CBX3: variants seen among roughly 807,000 people sequenced by gnomAD.
CBX3 encodes chromobox protein homolog 3.
Under a neutral mutation model 22.6 loss-of-function variants are expected in CBX3, and 5 were observed. The observed-to-expected ratio is 0.22, with a 90% CI of 0.12 to 0.47. CBX3 has a LOEUF of 0.47. CBX3 is among the 20% of genes least tolerant of loss of function. The probability of loss-of-function intolerance (pLI) is 0.99; values close to 1 mark genes in which losing one functional copy is unlikely to be tolerated. For synonymous variants in CBX3, 50 were observed against 66.6 expected, an observed-to-expected ratio of 0.75 and a Z score of 1.21; for missense variants, 83 against 208.1, an observed-to-expected ratio of 0.40 and a Z score of 3.70.
chr7:26,208,185 G>A, intron 3 of CBX3: 3 of 390,286 alleles, frequency 7.7e-6, no homozygotes, highest in Admixed American at 3.6e-5. Context: ...TTCCACTACT[G>A]CACTCTCGTC....
intron 3 of CBX3, among the ~76,000 whole-genome samples, chr7:26,207,768 T>C (rs897015701): frequency 1.3e-5 from 2 of 152,044 alleles, no homozygotes; most frequent in African/African-American, 4.8e-5. Context: ...TCCACCTGCC[T>C]TGGCCTCCCA....
chr7:26,211,363 A>G (rs1250705674), intron 4 of CBX3, among the ~76,000 whole-genome samples: 1 of 152,184 alleles, frequency 6.6e-6, no homozygotes, highest in African/African-American at 2.4e-5. Context: ...ATTACCAGAA[A>G]TAAAGAGGTT....
At chr7:26,209,159 G>A (rs904493083) in intron 4 of CBX3, among the ~76,000 whole-genome samples, 3 of 151,736 alleles carry the variant, frequency 2.0e-5, no homozygotes, top group Admixed American at 1.3e-4. Context: ...CACCCGCCTC[G>A]GCCTCCCAGA....
chr7:26,203,167 G>A (rs1784591046), intron 2 of CBX3, 145 bp downstream of exon 2: 1 of 665,144 alleles, frequency 1.5e-6, no homozygotes. Context: ...AAAATTAAGA[G>A]AAAAACGAAT....
Position 26,206,360 on chromosome 7 carries a change from T to C in CBX3, c.25-8T>C. 1 of 641,534 alleles carries C rather than the reference T, an allele frequency of 1.6e-6. No homozygotes were observed. Among genetic ancestry groups the C allele is most frequent in the South Asian group, 2.2e-5 (1 of 45,234 alleles). The allele number at this position is 641,534 out of a possible 1,614,324, so 39.7% of individuals were successfully genotyped here. On this transcript the variant is annotated splice_region_variant and splice_polypyrimidine_tract_variant and intron_variant, in intron 2 of 5. Transcript: ENST00000396386. ...ATATTTCTTAATTTCTCTTTTGTTTTATTTTAGCAAAAAATGGGAAAAAAA... is the reference window on the plus strand; with the variant it reads ...ATATTTCTTAATTTCTCTTTTGTTTCATTTTAGCAAAAAATGGGAAAAAAA...
At chr7:26,208,607 CTTGA>C (rs1285385704) in intron 4 of CBX3, 52 bp downstream of exon 4, 1 of 1,488,744 alleles carries the variant, frequency 6.7e-7, no homozygotes, top group Non-Finnish European at 9.2e-7. Flanking sequence ...AGGTTGATGG[CTTGA>C]TTTCTTTTTT....
intron 4 of CBX3, among the ~76,000 whole-genome samples, chr7:26,209,081 A>G (rs1485112126): frequency 2.0e-5 from 3 of 149,180 alleles, no homozygotes; most frequent in African/African-American, 2.5e-5. Flanking sequence ...TGGTTTTTGT[A>G]TATTTAGTAG....
rs74744309 is a variant in CBX3, at chr7:26,211,078, T to TAA, written c.331-565_331-564dup. On this transcript the variant is annotated intron_variant, in intron 4 of 5. Transcript: ENST00000396386. ...TTAATACCAACCATAGCTGATGAGC[T>TAA]AAAAAAAAAAAAAAAAAAAATCGCA... is the stretch of plus-strand genomic sequence containing the variant. Among the ~76,000 whole-genome samples, 1,027 of 106,682 alleles carry TAA rather than the reference T, an allele frequency of 9.6e-3. 12 individuals are homozygous for TAA. The highest frequency in any genetic ancestry group is 0.031 in the African/African-American group (894 of 29,252). 70.0% of individuals were successfully genotyped at this position (106,682 alleles called of 152,430 possible). A position where few individuals can be genotyped will look rare whatever the true frequency, so the allele number is the denominator to read the frequency against.
At chr7:26,204,093 A>T (rs1180363369) in intron 2 of CBX3, among the ~76,000 whole-genome samples, 2 of 152,190 alleles carry the variant, frequency 1.3e-5, no homozygotes. Context: ...ATAATGGGAA[A>T]TTTATTTTGA....
chr7:26,204,836 C>T (rs922710724), intron 2 of CBX3, among the ~76,000 whole-genome samples: 4 of 152,100 alleles, frequency 2.6e-5, no homozygotes, highest in Non-Finnish European at 5.9e-5. Context: ...GTTGTCCAGG[C>T]TAGAGTGCAA....
At chr7:26,212,003 A>G (rs1481039605) in intron 5 of CBX3, 79 bp from the exon 6 acceptor site, 11 of 1,283,490 alleles carry the variant, frequency 8.6e-6, no homozygotes, top group African/African-American at 1.5e-5. Flanking sequence ...TGTTTGGACT[A>G]TTATTTCTTA....
In CBX3 at chr7:26,205,000, G is replaced by T. The variant is rs142847133; in HGVS notation, c.25-1368G>T. ...AACGGGGTTTCTCCATGTTGGTCAG[G>T]CTGGTCTCAAACTCCTGACCTCAGA... On this transcript the variant is annotated intron_variant, in intron 2 of 5. Coordinates refer to ENST00000396386, the MANE Select transcript of CBX3 (RefSeq NM_016587.4). Among the ~76,000 whole-genome samples, 103 of 152,208 alleles carry T rather than the reference G, an allele frequency of 6.8e-4. No individual in the cohort carries two copies. The East Asian group carries it at 0.019, about 29-fold the overall frequency.
chr7:26,211,409 T>C (rs1383623534), intron 4 of CBX3, among the ~76,000 whole-genome samples: 1 of 152,202 alleles, frequency 6.6e-6, no homozygotes, highest in African/African-American at 2.4e-5. Context: ...CTGACTTTGG[T>C]GTCATTGAAC....
chr7:26,205,156 C>T (rs1440009803), intron 2 of CBX3, among the ~76,000 whole-genome samples: 1 of 152,090 alleles, frequency 6.6e-6, no homozygotes, highest in Middle Eastern at 3.2e-3. Context: ...TTCTGATTAA[C>T]CATTTCAGGG....
chr7:26,203,990 A>C (rs1241572291), intron 2 of CBX3, among the ~76,000 whole-genome samples: 2 of 152,210 alleles, frequency 1.3e-5, no homozygotes, highest in Non-Finnish European at 2.9e-5. Context: ...TATTTTGTGA[A>C]GGATCACAGG....
At chr7:26,207,081 G>A (rs1374506586) in intron 3 of CBX3, among the ~76,000 whole-genome samples, 1 of 152,126 alleles carries the variant, frequency 6.6e-6, no homozygotes, top group Non-Finnish European at 1.5e-5. Flanking sequence ...AACGCTTGGG[G>A]TTTGTTGTGC....
At chr7:26,203,273 G>A (rs939871121) in intron 2 of CBX3, among the ~76,000 whole-genome samples, 2 of 152,150 alleles carry the variant, frequency 1.3e-5, no homozygotes, top group Non-Finnish European at 2.9e-5. Context: ...TTTTGCTGAG[G>A]ATTTTTATCT....
At chr7:26,206,615 T>A in intron 3 of CBX3, 105 bp downstream of exon 3, 1 of 1,030,290 alleles carries the variant, frequency 9.7e-7, no homozygotes, top group Non-Finnish European at 1.5e-6. Flanking sequence ...TAGGTGTCTT[T>A]AAATGTAAAG....
Position 26,204,573 on chromosome 7 carries a change from G to A in CBX3, c.24+1551G>A, listed in dbSNP as rs185090224. Among the ~76,000 whole-genome samples, 437 of 152,226 alleles carry A rather than the reference G, an allele frequency of 2.9e-3. 5 individuals are homozygous for A. Among genetic ancestry groups the A allele is most frequent in the African/African-American group, 0.01 (426 of 41,520 alleles). On this transcript the variant is annotated intron_variant, in intron 2 of 5. Coordinates refer to ENST00000396386, the MANE Select transcript of CBX3 (RefSeq NM_016587.4). Reference sequence around the variant, plus strand: ...ATTTTTATTTTGTGTGTGTGTATGTGTTACCTATATGCTTGCATAGCTTGA... The same window carrying A: ...ATTTTTATTTTGTGTGTGTGTATGTATTACCTATATGCTTGCATAGCTTGA...
Sources: allele counts gnomAD v4.1 joint callset (sites outside exome capture counted in the v4.1 genomes callset), GRCh38; gene constraint gnomAD v4.1.1; transcripts MANE v1.5; gene names NCBI Gene and HGNC (gene_info 2026-07-23, HGNC 2026-07-21).